Variants in NACC2 observed in about 807,000 individuals in gnomAD.
The protein encoded by NACC2 is NACC family member 2.
A neutral mutation model predicts 25.1 loss-of-function variants in NACC2; 8 were observed. The ratio of observed to expected loss-of-function variants is 0.32; its 90% CI spans 0.19 to 0.57. NACC2 has a LOEUF of 0.57. NACC2 is among the 20% of genes least tolerant of loss of function. NACC2 has a pLI of 0.89. For synonymous variants in NACC2, 435 were observed against 294.7 expected (o/e 1.48, Z -4.88); for missense variants, 644 against 650.2 (o/e 0.99, Z 0.10).
At chr9:136,057,341 G>A (rs73668054) in intron 1 of NACC2, among the ~76,000 whole-genome samples, 108 of 152,316 alleles carry the variant, frequency 7.1e-4, no homozygotes, top group African/African-American at 2.5e-3. Flanking sequence ...CAACAGGGAT[G>A]GCTCAGAGGA....
At chr9:136,071,126 G>A (rs1038482368) in intron 1 of NACC2, among the ~76,000 whole-genome samples, 5 of 151,432 alleles carry the variant, frequency 3.3e-5, no homozygotes, top group Non-Finnish European at 4.4e-5. Context: ...CCAGCTACTC[G>A]GGAGGTTGAG....
In NACC2 at chr9:136,019,795, C is replaced by T. The variant is rs12346383; in HGVS notation, c.887-3366G>A. 0.16 allele frequency among the ~76,000 whole-genome samples: 23,719 copies of T among 151,942 alleles called. 2,228 individuals carry two copies. Among genetic ancestry groups the T allele is most frequent in the African/African-American group, 0.25 (10,248 of 41,394 alleles). On this transcript the variant is annotated intron_variant, in intron 2 of 5. Coordinates refer to ENST00000277554, the MANE Select transcript of NACC2 (RefSeq NM_144653.5). This position sits in a 1 kb window ranked among gnomAD's most constrained non-coding sequence, Gnocchi z 5.2. Reference sequence around the variant, plus strand: ...GGGGCCTTCAGGGACCCAGAAGGAGCCCCCGCCGTACCTTCCAGGCCCTTC... The same window carrying T: ...GGGGCCTTCAGGGACCCAGAAGGAGTCCCCGCCGTACCTTCCAGGCCCTTC...
rs930301524 is a variant in NACC2, at chr9:136,086,420, G to A, written c.-60+8769C>T. On this transcript the variant is annotated intron_variant, in intron 1 of 5. Transcript: ENST00000277554. The surrounding 1 kb of genome is among the most constrained non-coding windows in gnomAD (Gnocchi z 5.6). ...CAGCTGCTGGTCTGGATGGCACCGG[G>A]CCTGGCTCTTGAGGTCCCAGGTCTG... Among the ~76,000 whole-genome samples the A allele has an allele frequency of 7.0e-4, 107 of 152,162 alleles. No individual in the cohort carries two copies. The highest frequency in any genetic ancestry group is 2.6e-3 in the African/African-American group (106 of 41,456).
Position 136,051,876 on chromosome 9 carries a change from A to AAGGAGGAGGAGGAGGAGGAGGAGG in NACC2, c.-59-1320_-59-1297dup, listed in dbSNP as rs1162435573. ...GGCGGGGAGGGCGCAGGGAGCCGGC[A>AAGGAGGAGGAGGAGGAGGAGGAGG]AGGAGGAGGAGGAGGAGGAGGAGGA... is the stretch of plus-strand genomic sequence containing the variant. On this transcript the variant is annotated intron_variant, in intron 1 of 5. Coordinates refer to ENST00000277554, the MANE Select transcript of NACC2 (RefSeq NM_144653.5). 3.2e-4 allele frequency among the ~76,000 whole-genome samples: 42 copies of AAGGAGGAGGAGGAGGAGGAGGAGG among 132,372 alleles called. 1 individual carries two copies. Among genetic ancestry groups the AAGGAGGAGGAGGAGGAGGAGGAGG allele is most frequent in the African/African-American group, 8.2e-4 (25 of 30,438 alleles). The allele number at this position is 132,372 out of a possible 152,430, so 86.8% of individuals were successfully genotyped here. A position where few individuals can be genotyped will look rare whatever the true frequency, so the allele number is the denominator to read the frequency against.
chr9:136,062,162 C>CAGGAT (rs1460879729), intron 1 of NACC2, among the ~76,000 whole-genome samples: 19 of 138,836 alleles, frequency 1.4e-4, no homozygotes, highest in African/African-American at 4.9e-4. Context: ...CAGGACAGGA[C>CAGGAT]AGGACAGGAC....
chr9:136,087,344 C>T (rs1001325167), intron 1 of NACC2, among the ~76,000 whole-genome samples: 1 of 152,224 alleles, frequency 6.6e-6, no homozygotes, highest in Non-Finnish European at 1.5e-5. Flanking sequence ...CCCTGCCCCC[C>T]TCCAACACAC....
At chr9:136,038,000 C>T (rs1438779862) in intron 2 of NACC2, among the ~76,000 whole-genome samples, 1 of 152,170 alleles carries the variant, frequency 6.6e-6, no homozygotes, top group Non-Finnish European at 1.5e-5. Flanking sequence ...CAATGGAATA[C>T]TACTTACTCA....
chr9:136,027,013 A>G (rs58299663), intron 2 of NACC2, among the ~76,000 whole-genome samples: 11,167 of 152,222 alleles, frequency 0.073, 1,312 homozygotes, highest in African/African-American at 0.25. Flanking sequence ...GGGATCACCC[A>G]AGGTCAGGAG....
chr9:136,088,963 C>T (rs534292771), intron 1 of NACC2, among the ~76,000 whole-genome samples: 10 of 152,358 alleles, frequency 6.6e-5, no homozygotes, highest in East Asian at 3.9e-4. Flanking sequence ...ATAATGATCT[C>T]GGCATCGCGT....
At chr9:136,029,906 G>A (rs867684490) in intron 2 of NACC2, among the ~76,000 whole-genome samples, 2 of 152,198 alleles carry the variant, frequency 1.3e-5, no homozygotes, top group African/African-American at 4.8e-5. Context: ...ACCTGGCACA[G>A]CCTGCTGGGC....
At chr9:136,048,272 G>T (rs1321302433) in intron 2 of NACC2, among the ~76,000 whole-genome samples, 15 of 152,302 alleles carry the variant, frequency 9.8e-5, no homozygotes, top group African/African-American at 3.6e-4. Context: ...GCCTTCCCTG[G>T]GGTGGCTGTC....
intron 1 of NACC2, among the ~76,000 whole-genome samples, 185 bp from the exon 2 acceptor site, chr9:136,050,765 G>A (rs1840818357): frequency 6.6e-6 from 1 of 152,158 alleles, no homozygotes; most frequent in Non-Finnish European, 1.5e-5. Context: ...CAGACCCCCT[G>A]GCAGACGGGC....
chr9:136,066,302 C>T (rs2131174599), intron 1 of NACC2, among the ~76,000 whole-genome samples: 1 of 151,742 alleles, frequency 6.6e-6, no homozygotes, highest in East Asian at 1.9e-4. Flanking sequence ...GACAACTCAA[C>T]AATAAAAAGA....
At chr9:136,056,318 G>A (rs1277209683) in intron 1 of NACC2, among the ~76,000 whole-genome samples, 4 of 152,130 alleles carry the variant, frequency 2.6e-5, no homozygotes, top group African/African-American at 9.7e-5. Flanking sequence ...CTGGGCCAGG[G>A]CCCTCGGCGG....
chr9:136,013,908 C>T lies in NACC2; in HGVS notation c.1113G>A (p.Lys371=), dbSNP rs548528109. The T allele has an allele frequency of 1.2e-6, 2 of 1,612,980 alleles. No homozygotes were observed. Among genetic ancestry groups the T allele is most frequent in the African/African-American group, 1.3e-5 (1 of 75,060 alleles). ...LMNCHLCAGV[K]HKVLLRRLLA... is the part of the protein sequence containing the mutation. ...GGAGCCTCCGCAGCAAGACCTTATGCTTCACCCCTGCACACAGGTGGCAGT... is the reference window on the plus strand; with the variant it reads ...GGAGCCTCCGCAGCAAGACCTTATGTTTCACCCCTGCACACAGGTGGCAGT... Residue 371 remains lysine (K), a synonymous_variant, in exon 4 of 6, where the codon AAG becomes AAA. Coordinates refer to ENST00000277554, the MANE Select transcript of NACC2 (RefSeq NM_144653.5). The surrounding 1 kb of genome is among the most constrained non-coding windows in gnomAD (Gnocchi z 6.6).
chr9:136,094,109 G>C (rs1255987992), intron 1 of NACC2, among the ~76,000 whole-genome samples: 1 of 152,190 alleles, frequency 6.6e-6, no homozygotes, highest in Non-Finnish European at 1.5e-5. Context: ...GCTGCCTTGG[G>C]CACCCCCGGG....
chr9:136,057,107 C>T (rs1840936390), intron 1 of NACC2, among the ~76,000 whole-genome samples: 1 of 152,186 alleles, frequency 6.6e-6, no homozygotes, highest in South Asian at 2.1e-4. Context: ...GGCTCTGCGT[C>T]CGATAGGGCC....
At position 136,050,500 on chromosome 9, in the gene NACC2, C is replaced by G. The variant is rs1184680793; in HGVS notation, c.22G>C (p.Glu8Gln). MSQMLHI[E>Q]IPNFGNTVLG... ...ACTGTGTTCCCGAAGTTGGGGATCTCGATGTGCAGCATCTGAGACATGGCG... is the reference window on the plus strand; with the variant it reads ...ACTGTGTTCCCGAAGTTGGGGATCTGGATGTGCAGCATCTGAGACATGGCG... The change falls in exon 2 of 6, where the codon GAG (glutamate) becomes CAG (glutamine). Residue 8 changes from glutamate to glutamine, a missense_variant. By Grantham distance (29) the Glu-to-Gln change is conservative. Transcript: ENST00000277554. 6.5e-6 allele frequency: 5 copies of G among 763,924 alleles called. No individual in the cohort carries two copies. The highest frequency in any genetic ancestry group is 2.7e-4 in the Middle Eastern group (1 of 3,766). 47.3% of individuals were successfully genotyped at this position (763,924 alleles called of 1,614,324 possible).
At chr9:136,036,938 G>T (rs919185236) in intron 2 of NACC2, among the ~76,000 whole-genome samples, 3 of 152,106 alleles carry the variant, frequency 2.0e-5, no homozygotes, top group Admixed American at 2.0e-4. Flanking sequence ...CAACACAAAG[G>T]CATCTAATAG....
Sources: gnomAD v4.1 joint callset for allele counts (sites outside exome capture counted in the v4.1 genomes callset) on GRCh38, gnomAD v4.1.1 for gene constraint, Gnocchi (gnomAD v3.1) non-coding constraint, MANE v1.5 for transcripts, NCBI Gene and HGNC (gene_info 2026-07-23, HGNC 2026-07-21) for gene names.